Variants in SHANK2 observed in about 807,000 individuals in gnomAD.
SHANK2 encodes the protein SH3 and multiple ankyrin repeat domains 2.
In SHANK2, 43 loss-of-function variants were observed where a neutral mutation model predicts 133.7. The ratio of observed to expected loss-of-function variants is 0.32; its 90% confidence interval spans 0.25 to 0.41. SHANK2 has a LOEUF of 0.41. Among genes scored for constraint, SHANK2 ranks in the 10% least tolerant of loss-of-function variants. SHANK2 has a pLI of 1.00. For synonymous variants in SHANK2, 1,017 were observed against 952.8 expected (o/e 1.07, Z -1.24); for missense variants, 1,994 against 2,235.8 (o/e 0.89, Z 2.18).
rs782242456 is a variant in SHANK2, at chr11:70,479,293, C to A, written c.4980-5854G>T. Among the ~76,000 whole-genome samples, 1 of 152,216 alleles carries A rather than the reference C, an allele frequency of 6.6e-6. No individual in the cohort carries two copies. Among genetic ancestry groups the A allele is most frequent in the Non-Finnish European group, 1.5e-5 (1 of 68,046 alleles). On this transcript the variant is annotated intron_variant, in intron 25 of 25. Coordinates refer to ENST00000601538, the MANE Select transcript of SHANK2 (RefSeq NM_012309.5). This position sits in a 1 kb window ranked among gnomAD's most constrained non-coding sequence, Gnocchi z 4.4. ...TTTTGAAGCAGTCTGTGCTCTGGGACCAGCTGGGCAGAGATAACTTTTTAA... is the reference window on the plus strand; with the variant it reads ...TTTTGAAGCAGTCTGTGCTCTGGGAACAGCTGGGCAGAGATAACTTTTTAA...
At chr11:71,163,071 TAAAAAAAAAAAAA>T (rs1159852026) in intron 2 of SHANK2, among the ~76,000 whole-genome samples, 2 of 45,608 alleles carry the variant, frequency 4.4e-5, no homozygotes, top group Admixed American at 4.6e-4. Context: ...AGACTCTGTC[TAAAAAAAAAAAAA>T]AAAAAAAAAA....
intron 3 of SHANK2, among the ~76,000 whole-genome samples, chr11:71,142,399 G>A (rs1555105956): frequency 6.6e-6 from 1 of 152,174 alleles, no homozygotes; most frequent in Non-Finnish European, 1.5e-5. Context: ...TACTCAGGAG[G>A]CTGAGGGAGA....
At chr11:71,158,381 TA>T (rs1298063278) in intron 2 of SHANK2, among the ~76,000 whole-genome samples, 4 of 151,210 alleles carry the variant, frequency 2.6e-5, no homozygotes, top group African/African-American at 7.3e-5. Flanking sequence ...CAAAGTCAAC[TA>T]AAAAAAAATC....
intron 15 of SHANK2, among the ~76,000 whole-genome samples, chr11:70,663,104 C>T (rs1014729234): frequency 2.6e-5 from 4 of 152,106 alleles, no homozygotes; most frequent in Non-Finnish European, 5.9e-5. Context: ...GCGGCCCAGC[C>T]GGAAAAAGCT....
chr11:70,864,389 C>T (rs1949316886), intron 11 of SHANK2: 2 of 155,250 alleles, frequency 1.3e-5, no homozygotes, highest in Non-Finnish European at 2.9e-5. Flanking sequence ...TGCTTAATGA[C>T]CTCAGATGAG....
intron 15 of SHANK2, among the ~76,000 whole-genome samples, chr11:70,689,475 A>G (rs1280453149): frequency 1.3e-5 from 2 of 152,198 alleles, no homozygotes; most frequent in Non-Finnish European, 2.9e-5. Flanking sequence ...GGAAGCGCAC[A>G]CTCACATCCA....
At chr11:71,153,357 T>G (rs1216995230) in intron 2 of SHANK2, among the ~76,000 whole-genome samples, 1 of 152,104 alleles carries the variant, frequency 6.6e-6, no homozygotes, top group Non-Finnish European at 1.5e-5. Context: ...AGTGTGTGTT[T>G]CTCTCCTTGG....
At chr11:71,126,885 T>G (rs1466619944) in intron 3 of SHANK2, among the ~76,000 whole-genome samples, 4 of 151,996 alleles carry the variant, frequency 2.6e-5, no homozygotes, top group African/African-American at 9.7e-5. Flanking sequence ...TTTTTTGTAT[T>G]TTTAGTAGAG....
chr11:70,638,041 G>C (rs1462616794), intron 17 of SHANK2, among the ~76,000 whole-genome samples: 3 of 152,246 alleles, frequency 2.0e-5, no homozygotes, highest in Non-Finnish European at 4.4e-5. Flanking sequence ...CAGGAAGCTG[G>C]AAAGTACCCC....
chr11:70,837,684 GT>G (rs1340675329), intron 11 of SHANK2, among the ~76,000 whole-genome samples: 1 of 152,154 alleles, frequency 6.6e-6, no homozygotes, highest in Non-Finnish European at 1.5e-5. Flanking sequence ...TCTCAAAGAT[GT>G]GCGTTGAGGC....
intron 10 of SHANK2, among the ~76,000 whole-genome samples, chr11:70,939,700 AC>A (rs1950618583): frequency 6.6e-6 from 1 of 152,052 alleles, no homozygotes; most frequent in Non-Finnish European, 1.5e-5. Context: ...CCCATGATGG[AC>A]CAAGAAAGGC....
intron 9 of SHANK2, among the ~76,000 whole-genome samples, chr11:71,059,272 G>A (rs1245574353): frequency 6.6e-6 from 1 of 152,144 alleles, no homozygotes; most frequent in Non-Finnish European, 1.5e-5. Context: ...AATCTAGAAG[G>A]AAATAGGGAG....
chr11:71,073,142 CTTTTCTTTT>C (rs1215303955), intron 9 of SHANK2, among the ~76,000 whole-genome samples: 9 of 41,132 alleles, frequency 2.2e-4, no homozygotes, highest in African/African-American at 4.1e-4. Flanking sequence ...TTTTCTTTTT[CTTTTCTTTT>C]TTTTCTTTTT....
rs782220539 is a variant in SHANK2, at chr11:70,485,799, A to G, written c.4494T>C (p.Ser1498=). 2 of 1,613,282 alleles carry G rather than the reference A, an allele frequency of 1.2e-6. No homozygotes were observed. Among genetic ancestry groups the G allele is most frequent in the South Asian group, 2.2e-5 (2 of 91,008 alleles). ...DSGIEEVDSR[S]SSDHHLETTS... is the part of the protein sequence containing the mutation. Reference sequence around the variant, plus strand: ...TCGTCTCGAGGTGGTGGTCGCTGCTACTCCGGCTGTCCACCTCCTCGATCC... The same window carrying G: ...TCGTCTCGAGGTGGTGGTCGCTGCTGCTCCGGCTGTCCACCTCCTCGATCC... Residue 1498 remains serine (S), a synonymous_variant, in exon 25 of 26, where the codon AGT becomes AGC. Transcript: ENST00000601538. The surrounding 1 kb of genome is among the most constrained non-coding windows in gnomAD (Gnocchi z 5.8).
At chr11:70,843,910 A>T (rs1948954855) in intron 11 of SHANK2, among the ~76,000 whole-genome samples, 1 of 152,124 alleles carries the variant, frequency 6.6e-6, no homozygotes, top group Admixed American at 6.5e-5. Context: ...TGTGAATGCC[A>T]TCTCCTTGGG....
At chr11:70,818,176 C>CCACA (rs142933707) in intron 12 of SHANK2, among the ~76,000 whole-genome samples, 1 of 151,834 alleles carries the variant, frequency 6.6e-6, no homozygotes, top group Non-Finnish European at 1.5e-5. Context: ...ACCATGATGA[C>CCACA]CACACACACA....
At position 70,490,289 on chromosome 11, in the gene SHANK2, C is replaced by A. The variant is rs782414451; in HGVS notation, c.2538G>T (p.Arg846Ser). 5 of 1,614,154 alleles carry A rather than the reference C, an allele frequency of 3.1e-6. No individual in the cohort carries two copies. The highest frequency in any genetic ancestry group is 4.2e-6 in the Non-Finnish European group (5 of 1,179,948). ...CACACTTCTTACCTATTGATTTCTG[C>A]CTTCGCATCGTACCTCGAGGGATGC... ...FLGIPRGTMR[R>S]QKSIDSRIFL... The change falls in exon 23 of 26, where the codon AGG (arginine) becomes AGT (serine). Residue 846 changes from arginine to serine, a missense_variant. Physicochemically the swap from Arg to Ser is moderately radical, Grantham distance 110 (BLOSUM62 -1). Coordinates refer to ENST00000601538, the MANE Select transcript of SHANK2 (RefSeq NM_012309.5).
In SHANK2 at chr11:71,092,427, G is replaced by C; in HGVS notation, c.907C>G (p.His303Asp). The change falls in exon 8 of 26, where the codon CAC becomes GAC. Residue 303 changes from histidine (H) to aspartate (D), a missense_variant. His to Asp is a moderately conservative substitution (Grantham distance 81). Around this residue, in one of 5 missense-constraint regions of SHANK2, gnomAD observed 653 missense variants for 563.4 expected, o/e 1.16. Coordinates refer to ENST00000601538, the MANE Select transcript of SHANK2 (RefSeq NM_012309.5). ...GGAGAAGCGGGCCCACGTACCTGGT[G>C]GATCTCGTGCCAGCCGTTCTCATCT... ...CKDENGWHEI[H>D]QACRYGHVQH... 1 of 1,551,324 alleles carries C rather than the reference G, an allele frequency of 6.4e-7. No individual in the cohort carries two copies.
At chr11:70,878,313 G>C (rs1031138606) in intron 11 of SHANK2, among the ~76,000 whole-genome samples, 2 of 152,218 alleles carry the variant, frequency 1.3e-5, no homozygotes, top group South Asian at 2.1e-4. Context: ...CCTCGACAAG[G>C]TCTAGACCCT....
Sources: allele counts gnomAD v4.1 joint callset (sites outside exome capture counted in the v4.1 genomes callset), GRCh38; gene constraint gnomAD v4.1.1; regional missense constraint gnomAD v4.1.1; non-coding constraint Gnocchi (gnomAD v3.1); transcripts MANE v1.5; gene names NCBI Gene and HGNC (gene_info 2026-07-23, HGNC 2026-07-21).